Variants in TMOD3 observed in about 807,000 individuals in gnomAD.
TMOD3 encodes tropomodulin 3, also known as tropomodulin-3.
Under a neutral mutation model 39.2 loss-of-function variants are expected in TMOD3, and 20 were observed. The ratio of observed to expected loss-of-function variants is 0.51; its 90% CI spans 0.36 to 0.74. The LOEUF (loss-of-function observed/expected upper bound fraction) is 0.74, where lower values mean the gene tolerates loss of function less well. TMOD3 is among the 30% of genes least tolerant of loss of function. The probability of loss-of-function intolerance (pLI) is 0.00; values close to 1 mark genes in which losing one functional copy is unlikely to be tolerated. For missense variants in TMOD3, 381 were observed against 412.8 expected, an observed-to-expected ratio of 0.92 and a Z score of 0.67; for synonymous variants, 143 against 145.8, an observed-to-expected ratio of 0.98 and a Z score of 0.14.
At position 51,893,912 on chromosome 15, in the gene TMOD3, T is replaced by C; in HGVS notation, c.594T>C (p.Ala198=). 6.2e-7 allele frequency: 1 copy of C among 1,607,578 alleles called. No individual in the cohort carries two copies. Among genetic ancestry groups the C allele is most frequent in the Non-Finnish European group, 8.5e-7 (1 of 1,176,016 alleles). Residue 198 remains alanine, a synonymous_variant, in exon 6 of 10, where the codon GCT becomes GCC. Coordinates refer to ENST00000308580, the MANE Select transcript of TMOD3 (RefSeq NM_014547.5). ...ESLKRTKEND[A]HLVEVNLNNI... The stretch of plus-strand genomic sequence containing the variant: ...TGAAGAGAACTAAAGAAAACGATGC[T>C]CATCTTGTTGAAGTTAATTTGAATA...
intron 1 of TMOD3, among the ~76,000 whole-genome samples, chr15:51,845,301 C>T (rs778641201): frequency 6.6e-6 from 1 of 152,186 alleles, no homozygotes; most frequent in African/African-American, 2.4e-5. Flanking sequence ...TTGTCATGGA[C>T]GTGGAAGAGC....
At position 51,910,008 on chromosome 15, in the gene TMOD3, T is replaced by C. The variant is rs565929698; in HGVS notation, c.*1198T>C. ...TTGCTCAAAGTATTAAGGTGAACAA[T>C]TGAATAGAGTACTGTGGTCGGGAGA... On this transcript the variant is annotated 3_prime_UTR_variant, in exon 10 of 10. Transcript: ENST00000308580. 6.6e-6 allele frequency: 1 copy of C among 152,228 alleles called. No homozygotes were observed. Among genetic ancestry groups the C allele is most frequent in the African/African-American group, 2.4e-5 (1 of 41,446 alleles). The allele number at this position is 152,228 out of a possible 1,614,324, so 9.4% of individuals were successfully genotyped here. A position where few individuals can be genotyped will look rare whatever the true frequency, so the allele number is the denominator to read the frequency against.
chr15:51,851,805 G>A (rs1595892863), intron 1 of TMOD3, among the ~76,000 whole-genome samples: 1 of 152,262 alleles, frequency 6.6e-6, no homozygotes, highest in African/African-American at 2.4e-5. Flanking sequence ...AACATATCAC[G>A]TTTATCTACT....
chr15:51,870,067 T>C (rs1340512988), intron 3 of TMOD3, among the ~76,000 whole-genome samples: 1 of 152,198 alleles, frequency 6.6e-6, no homozygotes, highest in East Asian at 1.9e-4. Context: ...GCCTCCTTAG[T>C]AGCTGGGATT....
chr15:51,837,048 A>G (rs1180846771), intron 1 of TMOD3, among the ~76,000 whole-genome samples: 1 of 149,928 alleles, frequency 6.7e-6, no homozygotes, highest in Non-Finnish European at 1.5e-5. Flanking sequence ...ATGGTAAACT[A>G]GAAGAAAATG....
At chr15:51,867,262 A>G (rs1306727554) in intron 2 of TMOD3, among the ~76,000 whole-genome samples, 1 of 152,226 alleles carries the variant, frequency 6.6e-6, no homozygotes, top group African/African-American at 2.4e-5. Flanking sequence ...AATGTTGGAG[A>G]TGGGAAAAAG....
chr15:51,869,280 T>C lies in TMOD3; in HGVS notation c.190T>C (p.Phe64Leu). 6.2e-7 allele frequency: 1 copy of C among 1,614,124 alleles called. No homozygotes were observed. The highest frequency in any genetic ancestry group is 2.2e-5 in the East Asian group (1 of 44,876). The stretch of plus-strand genomic sequence containing the variant: ...GACATCAAAGTCCACCACAGGGCCA[T>C]TTGATAGAGAGCATCTCCTTTCATA... The part of the protein sequence containing the change: ...NQTSKSTTGP[F>L]DREHLLSYLE... The change falls in exon 3 of 10, where the codon TTT becomes CTT. Residue 64 changes from phenylalanine (F) to leucine (L), a missense_variant. Coordinates refer to ENST00000308580, the MANE Select transcript of TMOD3 (RefSeq NM_014547.5).
chr15:51,894,561 C>A (rs986993892), intron 6 of TMOD3, among the ~76,000 whole-genome samples: 3 of 152,094 alleles, frequency 2.0e-5, no homozygotes, highest in Non-Finnish European at 4.4e-5. Context: ...TCTCTCATAC[C>A]CCTTTGTAGT....
chr15:51,852,059 T>C (rs1377112128), intron 1 of TMOD3, among the ~76,000 whole-genome samples: 3 of 152,244 alleles, frequency 2.0e-5, no homozygotes, highest in African/African-American at 7.2e-5. Context: ...CCTTCTTCCT[T>C]TATTAATTGG....
intron 1 of TMOD3, among the ~76,000 whole-genome samples, chr15:51,862,326 T>C (rs1479107757): frequency 6.6e-6 from 1 of 152,202 alleles, no homozygotes; most frequent in Non-Finnish European, 1.5e-5. Flanking sequence ...TTCAAAAGAA[T>C]ATTTTTCCTA....
chr15:51,886,203 G>T (rs1282443703), intron 3 of TMOD3, among the ~76,000 whole-genome samples: 5 of 151,180 alleles, frequency 3.3e-5, no homozygotes, highest in African/African-American at 1.2e-4. Flanking sequence ...AGGCTGAGGG[G>T]CTCCTCACAT....
chr15:51,900,185 A>G lies in TMOD3; in HGVS notation c.766A>G (p.Thr256Ala), dbSNP rs2056642673. ...AFAEMLKVNK[T>A]LKSLNVESNF... The stretch of plus-strand genomic sequence containing the variant: ...TGCAGAAATGCTGAAAGTGAACAAA[A>G]CTTTGAAGAGCTTAAATGTGGAGTC... Residue 256 changes from threonine (T) to alanine (A), a missense_variant, in exon 8 of 10, where the codon ACT (threonine) becomes GCT (alanine). By Grantham distance (58) the Thr-to-Ala change is moderately conservative. Coordinates refer to ENST00000308580, the MANE Select transcript of TMOD3 (RefSeq NM_014547.5). The G allele has an allele frequency of 6.2e-7, 1 of 1,614,200 alleles. No individual in the cohort carries two copies. The highest frequency in any genetic ancestry group is 8.5e-7 in the Non-Finnish European group (1 of 1,180,044).
intron 3 of TMOD3, among the ~76,000 whole-genome samples, chr15:51,872,339 G>A (rs530992436): frequency 6.6e-6 from 1 of 152,124 alleles, no homozygotes; most frequent in African/African-American, 2.4e-5. Context: ...ATTGCAGTGA[G>A]CCGAGGTTGC....
At chr15:51,899,618 A>T (rs920055878) in intron 7 of TMOD3, among the ~76,000 whole-genome samples, 2 of 151,788 alleles carry the variant, frequency 1.3e-5, no homozygotes, top group Admixed American at 1.3e-4. Context: ...GTGAGCTGTG[A>T]TCCTGCCACT....
chr15:51,857,784 A>G (rs1036433804), intron 1 of TMOD3, among the ~76,000 whole-genome samples: 2 of 152,112 alleles, frequency 1.3e-5, no homozygotes, highest in Non-Finnish European at 2.9e-5. Flanking sequence ...AGCATGAATT[A>G]AATTATTCTT....
At chr15:51,866,748 T>C (rs1173275414) in intron 2 of TMOD3, among the ~76,000 whole-genome samples, 2 of 152,148 alleles carry the variant, frequency 1.3e-5, no homozygotes, top group Non-Finnish European at 2.9e-5. Flanking sequence ...CTTTATTCAG[T>C]AAATATTTGG....
At position 51,897,525 on chromosome 15, in the gene TMOD3, C is replaced by T. The variant is rs189276586; in HGVS notation, c.735+999C>T. 1.6e-3 allele frequency among the ~76,000 whole-genome samples: 226 copies of T among 137,732 alleles called. 1 individual carries two copies. The highest frequency in any genetic ancestry group is 0.015 in the East Asian group (71 of 4,664). 90.4% of individuals were successfully genotyped at this position (137,732 alleles called of 152,430 possible). A position where few individuals can be genotyped will look rare whatever the true frequency, so the allele number is the denominator to read the frequency against. On this transcript the variant is annotated intron_variant, in intron 7 of 9. Coordinates refer to ENST00000308580, the MANE Select transcript of TMOD3 (RefSeq NM_014547.5). ...TTTGAGACAGCGTCTCACTCTGTTG[C>T]CCCGGCTAGAGTGCAGTGGCGCAAT... is the stretch of plus-strand genomic sequence containing the variant.
chr15:51,885,200 C>G (rs1399455241), intron 3 of TMOD3, among the ~76,000 whole-genome samples: 1 of 151,636 alleles, frequency 6.6e-6, no homozygotes, highest in African/African-American at 2.4e-5. Context: ...TTCATATTTT[C>G]AATCTTGCAT....
At chr15:51,860,906 A>G in intron 1 of TMOD3, 1 of 420,784 alleles carries the variant, frequency 2.4e-6, no homozygotes, top group Admixed American at 2.7e-5. Context: ...ACTGCACTCC[A>G]GCCTAGGCGA....
Sources: allele counts gnomAD v4.1 joint callset (sites outside exome capture counted in the v4.1 genomes callset), GRCh38; gene constraint gnomAD v4.1.1; transcripts MANE v1.5; gene names NCBI Gene and HGNC (gene_info 2026-07-23, HGNC 2026-07-21).